The following PELI2 variants were observed in gnomAD, a reference collection of about 807,000 sequenced individuals.
PELI2 encodes the protein pellino E3 ubiquitin protein ligase family member 2.
A neutral mutation model predicts 42.3 loss-of-function variants in PELI2; 23 were observed. The observed-to-expected ratio is 0.54, with a 90% CI of 0.39 to 0.77. PELI2 has a LOEUF of 0.77. Among genes scored for constraint, PELI2 ranks in the 30% least tolerant of loss-of-function variants. The pLI, the probability that PELI2 is intolerant of heterozygous loss-of-function variation, is 0.00. For synonymous variants in PELI2, 245 were observed against 212.2 expected, an observed-to-expected ratio of 1.15 and a Z score of -1.34; for missense variants, 463 against 553.2, an observed-to-expected ratio of 0.84 and a Z score of 1.64.
intron 5 of PELI2, among the ~76,000 whole-genome samples, chr14:56,292,349 G>C: frequency 6.6e-6 from 1 of 152,140 alleles, no homozygotes; most frequent in Middle Eastern, 3.2e-3. Context: ...ATCTCCTCTT[G>C]TTAACCTCTG....
intron 2 of PELI2, among the ~76,000 whole-genome samples, chr14:56,241,775 G>C (rs1481851083): frequency 6.6e-6 from 1 of 152,182 alleles, no homozygotes; most frequent in Non-Finnish European, 1.5e-5. Context: ...TGATAAAGCT[G>C]CACGCTACTT....
chr14:56,174,511 G>A (rs1885297848), intron 1 of PELI2, among the ~76,000 whole-genome samples: 2 of 152,300 alleles, frequency 1.3e-5, no homozygotes, highest in South Asian at 2.1e-4. Context: ...TGATTCCTGT[G>A]TGTCAGAGGA....
intron 1 of PELI2, among the ~76,000 whole-genome samples, chr14:56,123,547 T>G (rs1334193057): frequency 6.6e-6 from 1 of 152,224 alleles, no homozygotes; most frequent in African/African-American, 2.4e-5. Flanking sequence ...CTTTACTAAC[T>G]TTAGCCTTGT....
chr14:56,198,017 C>T (rs1886202113), intron 2 of PELI2, among the ~76,000 whole-genome samples: 1 of 147,432 alleles, frequency 6.8e-6, no homozygotes, highest in South Asian at 2.2e-4. Context: ...CACACACCCA[C>T]CTCTTTGGTC....
chr14:56,253,508 G>T (rs915783047), intron 2 of PELI2, among the ~76,000 whole-genome samples: 15 of 152,110 alleles, frequency 9.9e-5, no homozygotes, highest in African/African-American at 3.4e-4. Flanking sequence ...AAAGTCTTAG[G>T]ATACAAAATC....
chr14:56,220,459 G>C (rs1392427225), intron 2 of PELI2, among the ~76,000 whole-genome samples: 1 of 152,234 alleles, frequency 6.6e-6, no homozygotes, highest in South Asian at 2.1e-4. Context: ...TTTTCACCCT[G>C]GAAAAATACC....
intron 3 of PELI2, among the ~76,000 whole-genome samples, chr14:56,285,247 G>A (rs1200414735): frequency 1.3e-5 from 2 of 152,164 alleles, no homozygotes; most frequent in South Asian, 2.1e-4. Flanking sequence ...GTGTTTGGAG[G>A]TACAGCTGAC....
chr14:56,167,364 A>G (rs1365388861), intron 1 of PELI2, among the ~76,000 whole-genome samples: 1 of 151,122 alleles, frequency 6.6e-6, no homozygotes, highest in Non-Finnish European at 1.5e-5. Flanking sequence ...TTTGTTTTTT[A>G]TTCTTCTTTC....
intron 2 of PELI2, among the ~76,000 whole-genome samples, chr14:56,201,281 A>G (rs1026324697): frequency 6.6e-6 from 1 of 152,236 alleles, no homozygotes; most frequent in Non-Finnish European, 1.5e-5. Flanking sequence ...CTTAGGAGAA[A>G]TGCAAAAGAT....
In PELI2 at chr14:56,197,969, G is replaced by GACACACACACAC. The variant is rs4038318; in HGVS notation, c.207+19538_207+19549dup. Among the ~76,000 whole-genome samples, 4 of 129,702 alleles carry GACACACACACAC rather than the reference G, an allele frequency of 3.1e-5. No homozygotes were observed. Among genetic ancestry groups the GACACACACACAC allele is most frequent in the East Asian group, 2.3e-4 (1 of 4,292 alleles). 85.1% of individuals were successfully genotyped at this position (129,702 alleles called of 152,430 possible). Reference sequence around the variant, plus strand: ...CACACCAGGGATCATGACTGGTGAAGACACACACACACACACACACACACA... The same window carrying GACACACACACAC: ...CACACCAGGGATCATGACTGGTGAAGACACACACACACACACACACACACACACACACACACA... On this transcript the variant is annotated intron_variant, in intron 2 of 5. Transcript: ENST00000267460. This position sits in a 1 kb window ranked among gnomAD's most constrained non-coding sequence, Gnocchi z 4.9.
intron 2 of PELI2, among the ~76,000 whole-genome samples, chr14:56,189,573 G>A (rs1043612524): frequency 1.3e-4 from 20 of 152,316 alleles, no homozygotes; most frequent in African/African-American, 4.8e-4. Context: ...CGCATCATAT[G>A]CCTACTACGT....
chr14:56,138,563 G>A (rs188139819), intron 1 of PELI2, among the ~76,000 whole-genome samples: 14 of 151,744 alleles, frequency 9.2e-5, no homozygotes, highest in East Asian at 1.9e-4. Context: ...GAATATTATC[G>A]TTTTGACTTT....
At chr14:56,175,957 C>A (rs1278959278) in intron 1 of PELI2, among the ~76,000 whole-genome samples, 1 of 152,202 alleles carries the variant, frequency 6.6e-6, no homozygotes, top group African/African-American at 2.4e-5. Context: ...CACTTTATGA[C>A]ATCCCCACAG....
In PELI2 at chr14:56,282,608, A is replaced by G. The variant is rs893205605; in HGVS notation, c.309+2831A>G. On this transcript the variant is annotated intron_variant, in intron 3 of 5. Coordinates refer to ENST00000267460, the MANE Select transcript of PELI2 (RefSeq NM_021255.3). The stretch of plus-strand genomic sequence containing the variant: ...TAAAAACTAAATAATCTTAGATAAA[A>G]TATATAGTCATATTTATAAAAATAG... Among the ~76,000 whole-genome samples the G allele has an allele frequency of 3.3e-5, 5 of 151,952 alleles. 1 individual carries two copies. The highest frequency in any genetic ancestry group is 7.4e-5 in the Non-Finnish European group (5 of 67,940).
chr14:56,269,980 C>G (rs1292721925), intron 2 of PELI2, among the ~76,000 whole-genome samples: 1 of 152,202 alleles, frequency 6.6e-6, no homozygotes. Context: ...TGTACTTGAG[C>G]GTGACCCCAA....
chr14:56,270,836 C>T (rs893943617), intron 2 of PELI2, among the ~76,000 whole-genome samples: 2 of 152,142 alleles, frequency 1.3e-5, no homozygotes, highest in Non-Finnish European at 1.5e-5. Context: ...AGATTCAAAC[C>T]TGGTCCAGTG....
At chr14:56,145,734 G>T (rs1189955235) in intron 1 of PELI2, among the ~76,000 whole-genome samples, 2 of 152,080 alleles carry the variant, frequency 1.3e-5, no homozygotes, top group Non-Finnish European at 2.9e-5. Context: ...CCATGCATTT[G>T]GGCTACAGAA....
In PELI2 at chr14:56,227,457, A is replaced by T. The variant is rs76722149; in HGVS notation, c.207+48993A>T. 3.3e-3 allele frequency among the ~76,000 whole-genome samples: 501 copies of T among 152,380 alleles called. 1 individual carries two copies. Among genetic ancestry groups the T allele is most frequent in the African/African-American group, 0.012 (481 of 41,602 alleles). ...GAGCCAGATTTCTCACTTCAGAGAA[A>T]ATAATTACAAAAATGGAAAGGAGAA... On this transcript the variant is annotated intron_variant, in intron 2 of 5. Transcript: ENST00000267460.
At chr14:56,292,889 C>T in intron 5 of PELI2, 1 of 859,908 alleles carries the variant, frequency 1.2e-6, no homozygotes, top group African/African-American at 1.8e-5. Context: ...TAATATTACT[C>T]CAGGAGGGCC....
Sources: gnomAD v4.1 joint callset for allele counts (sites outside exome capture counted in the v4.1 genomes callset) on GRCh38, gnomAD v4.1.1 for gene constraint, Gnocchi (gnomAD v3.1) non-coding constraint, MANE v1.5 for transcripts, NCBI Gene and HGNC (gene_info 2026-07-23, HGNC 2026-07-21) for gene names.